Variants in PARL observed in about 807,000 individuals in gnomAD.
PARL encodes the protein presenilin-associated rhomboid-like protein, mitochondrial.
PARL carries 44 observed loss-of-function variants against 51.6 expected under a neutral mutation model. The ratio of observed to expected loss-of-function variants is 0.85; its 90% confidence interval spans 0.67 to 1.10. PARL has a LOEUF of 1.10. PARL is among the 50% of genes least tolerant of loss of function. The probability of loss-of-function intolerance (pLI) is 0.00; values close to 1 mark genes in which losing one functional copy is unlikely to be tolerated. For missense variants in PARL, 441 were observed against 469.5 expected, an observed-to-expected ratio of 0.94 and a Z score of 0.56; for synonymous variants, 172 against 164.0, an observed-to-expected ratio of 1.05 and a Z score of -0.37.
intron 4 of PARL, chr3:183,846,603 T>A: frequency 1.0e-6 from 1 of 985,208 alleles, no homozygotes; most frequent in Non-Finnish European, 1.2e-6. Flanking sequence ...TTCTGATAAA[T>A]AATGAGTACT....
At chr3:183,844,975 T>C (rs1729777850) in intron 4 of PARL, among the ~76,000 whole-genome samples, 1 of 152,216 alleles carries the variant, frequency 6.6e-6, no homozygotes, top group Non-Finnish European at 1.5e-5. Context: ...TATAATTAAC[T>C]TGTTACATTT....
intron 7 of PARL, 30 bp from the exon 8 acceptor site, chr3:183,833,855 A>G (rs896020487): frequency 7.2e-7 from 1 of 1,391,892 alleles, no homozygotes; most frequent in Non-Finnish European, 1.0e-6. Context: ...GGAGAATGGG[A>G]AACTCAATAT....
intron 4 of PARL, among the ~76,000 whole-genome samples, chr3:183,851,325 T>A (rs1314187929): frequency 6.6e-6 from 1 of 152,182 alleles, no homozygotes; most frequent in Non-Finnish European, 1.5e-5. Context: ...AAAATTAGAA[T>A]GTTTATGCTT....
downstream of PARL, among the ~76,000 whole-genome samples, chr3:183,828,623 C>A: frequency 6.6e-6 from 1 of 152,210 alleles, no homozygotes; most frequent in East Asian, 1.9e-4. Context: ...CCATGCAGTT[C>A]TCACTTGCCT....
intron 7 of PARL, among the ~76,000 whole-genome samples, chr3:183,836,099 C>A (rs1397584001): frequency 6.6e-6 from 1 of 151,308 alleles, no homozygotes; most frequent in African/African-American, 2.4e-5. Flanking sequence ...TGCCTGTAAT[C>A]CCAGCTACTC....
chr3:183,864,456 T>G (rs1732203451), intron 3 of PARL, among the ~76,000 whole-genome samples: 1 of 151,972 alleles, frequency 6.6e-6, no homozygotes, highest in African/African-American at 2.4e-5. Flanking sequence ...AAAATCTCAG[T>G]GTTCAATATG....
intron 4 of PARL, among the ~76,000 whole-genome samples, chr3:183,848,088 A>G (rs987608761): frequency 2.6e-5 from 4 of 152,250 alleles, no homozygotes; most frequent in Non-Finnish European, 4.4e-5. Context: ...ACTCTCCTTC[A>G]TAAGAGCAAT....
chr3:183,844,586 CT>C (rs1240646458), intron 4 of PARL: 1 of 426,162 alleles, frequency 2.3e-6, no homozygotes, highest in Non-Finnish European at 4.3e-6. Flanking sequence ...CCATATTTTA[CT>C]TCTTTAGAAG....
Position 183,829,308 on chromosome 3 carries a change from T to G in PARL, c.*290A>C. 1.1e-6 allele frequency: 1 copy of G among 924,294 alleles called. No individual in the cohort carries two copies. Among genetic ancestry groups the G allele is most frequent in the Non-Finnish European group, 1.5e-6 (1 of 671,982 alleles). The allele number at this position is 924,294 out of a possible 1,614,324, so 57.3% of individuals were successfully genotyped here. A position where few individuals can be genotyped will look rare whatever the true frequency, so the allele number is the denominator to read the frequency against. ...TGATCAGGCCTTTCAGGGTGCACTC[T>G]CCCCAGGTCCTGTCAATGCAACAAC... On this transcript the variant is annotated 3_prime_UTR_variant, in exon 10 of 10. Transcript: ENST00000317096.
rs116800679 is a variant in PARL at position 183,838,450 on chromosome 3, G to C, written c.828+2120C>G. ...CTCATTAAAAATGCCATTATACCTGGTGATTTAATTTCCTTGAATTTTAAT... is the reference window on the plus strand; with the variant it reads ...CTCATTAAAAATGCCATTATACCTGCTGATTTAATTTCCTTGAATTTTAAT... On this transcript the variant is annotated intron_variant, in intron 7 of 9. Coordinates refer to ENST00000317096, the MANE Select transcript of PARL (RefSeq NM_018622.7). Among the ~76,000 whole-genome samples, 1,370 of 152,178 alleles carry C rather than the reference G, an allele frequency of 9.0e-3. 11 individuals carry two copies. Among genetic ancestry groups the C allele is most frequent in the Middle Eastern group, 0.054 (16 of 294 alleles).
At chr3:183,882,245 TTATATATATATATATATATATATTTA>T (rs1215724272) in intron 1 of PARL, among the ~76,000 whole-genome samples, 40 of 29,350 alleles carry the variant, frequency 1.4e-3, no homozygotes, top group African/African-American at 2.7e-3. Flanking sequence ...ATATATATAT[TTATATATATATATATATATATATTTA>T]TATATATATA....
intron 6 of PARL, among the ~76,000 whole-genome samples, chr3:183,841,797 T>C (rs1182572339): frequency 1.3e-5 from 2 of 152,142 alleles, no homozygotes; most frequent in African/African-American, 4.8e-5. Context: ...TGCTACATTC[T>C]TGCAAAGAAG....
chr3:183,840,206 T>C (rs926954718), intron 7 of PARL, among the ~76,000 whole-genome samples: 10 of 152,260 alleles, frequency 6.6e-5, no homozygotes, highest in African/African-American at 2.4e-4. Flanking sequence ...ATTGACTAAA[T>C]AGGAGGATAA....
At chr3:183,864,325 G>C (rs956526525) in intron 3 of PARL, among the ~76,000 whole-genome samples, 23 of 152,080 alleles carry the variant, frequency 1.5e-4, no homozygotes, top group African/African-American at 5.6e-4. Flanking sequence ...GGATCACACT[G>C]TTCCAAGGAA....
chr3:183,829,168 G>GGA (rs1274247416), downstream of PARL: 9 of 233,012 alleles, frequency 3.9e-5, no homozygotes, highest in East Asian at 8.8e-4. Context: ...GCTGGAGAGG[G>GGA]GATACTCTCG....
chr3:183,848,746 A>G (rs777085993), intron 4 of PARL, among the ~76,000 whole-genome samples: 1 of 152,220 alleles, frequency 6.6e-6, no homozygotes, highest in Non-Finnish European at 1.5e-5. Context: ...TGTCAAAAAC[A>G]ATGACAGGTA....
intron 1 of PARL, among the ~76,000 whole-genome samples, chr3:183,880,548 C>T (rs924503920): frequency 1.3e-5 from 2 of 151,874 alleles, no homozygotes; most frequent in African/African-American, 4.8e-5. Flanking sequence ...ATTACAGGCG[C>T]CTGCCACCAC....
rs538322928 is a variant in PARL, at chr3:183,833,232, A to G, written c.1028+260T>C. Among the ~76,000 whole-genome samples, 4 of 152,324 alleles carry G rather than the reference A, an allele frequency of 2.6e-5. No homozygotes were observed. The South Asian group carries it at 6.2e-4, about 24-fold the overall frequency. ...GCAGTCTTCTAAGAGGGGGCTGGGA[A>G]TAACAGGCCAACAGTTGGGGCAACT... is the stretch of plus-strand genomic sequence containing the variant. On this transcript the variant is annotated intron_variant, in intron 9 of 9. Transcript: ENST00000317096.
chr3:183,883,317 G>A (rs4621373), intron 1 of PARL, among the ~76,000 whole-genome samples: 107,528 of 152,156 alleles, frequency 0.71, 38,417 homozygotes, highest in East Asian at 0.88. Context: ...TGCTCAAGAT[G>A]AAGTGCAATG....
Sources: allele counts gnomAD v4.1 joint callset (sites outside exome capture counted in the v4.1 genomes callset), GRCh38; gene constraint gnomAD v4.1.1; transcripts MANE v1.5; gene names NCBI Gene and HGNC (gene_info 2026-07-23, HGNC 2026-07-21).